Variants in SMAD9 observed in about 807,000 individuals in gnomAD.
SMAD9 encodes the protein SMAD family member 9, also known as MAD homolog 9.
SMAD9 carries 36 observed loss-of-function variants against 46.1 expected under a neutral mutation model. The ratio of observed to expected loss-of-function variants is 0.78; its 90% CI spans 0.60 to 1.03. The LOEUF (loss-of-function observed/expected upper bound fraction) is 1.03. Ranked by LOEUF, SMAD9 falls within the 50% of genes least tolerant of loss-of-function variation. The probability of loss-of-function intolerance (pLI) is 0.00; values close to 1 mark genes in which losing one functional copy is unlikely to be tolerated. For synonymous variants in SMAD9, 245 were observed against 237.1 expected, an observed-to-expected ratio of 1.03 and a Z score of -0.31; for missense variants, 572 against 599.8, an observed-to-expected ratio of 0.95 and a Z score of 0.48.
intron 5 of SMAD9, among the ~76,000 whole-genome samples, chr13:36,858,896 G>C (rs1342082390): frequency 6.6e-6 from 1 of 152,056 alleles, no homozygotes; most frequent in Non-Finnish European, 1.5e-5. Flanking sequence ...ATTTTTTGTA[G>C]TGACAGGGTC....
At chr13:36,881,907 T>TA (rs1271993178) in intron 1 of SMAD9, among the ~76,000 whole-genome samples, 1 of 152,210 alleles carries the variant, frequency 6.6e-6, no homozygotes, top group African/African-American at 2.4e-5. Flanking sequence ...AACTCATTAT[T>TA]AGTAAGTTGT....
At chr13:36,874,266 T>C (rs1206246737) in intron 2 of SMAD9, among the ~76,000 whole-genome samples, 2 of 152,120 alleles carry the variant, frequency 1.3e-5, no homozygotes, top group Admixed American at 1.3e-4. Context: ...GAAGAAAAGA[T>C]CCAGACCTAG....
chr13:36,860,120 T>C (rs186930503), intron 5 of SMAD9, among the ~76,000 whole-genome samples: 15 of 152,294 alleles, frequency 9.8e-5, no homozygotes, highest in Non-Finnish European at 1.6e-4. Context: ...AAATTCTTTC[T>C]TGTGAGAGAT....
Position 36,920,161 on chromosome 13 carries a change from G to A in SMAD9, c.-232C>T. 1 of 153,002 alleles carries A rather than the reference G, an allele frequency of 6.5e-6. No homozygotes were observed. The highest frequency in any genetic ancestry group is 1.4e-5 in the Non-Finnish European group (1 of 73,156). 9.5% of individuals were successfully genotyped at this position (153,002 alleles called of 1,614,324 possible). On this transcript the variant is annotated 5_prime_UTR_variant, in exon 1 of 7. Coordinates refer to ENST00000379826, the MANE Select transcript of SMAD9 (RefSeq NM_001127217.3). Reference sequence around the variant, plus strand: ...GCGCCTGCAGGGCCCGGCGGCGGCGGCGGGGACCGAGACAGCGGCTGCAGC... The same window carrying A: ...GCGCCTGCAGGGCCCGGCGGCGGCGACGGGGACCGAGACAGCGGCTGCAGC...
chr13:36,879,325 T>C lies in SMAD9; in HGVS notation c.365A>G (p.Lys122Arg). The C allele has an allele frequency of 6.2e-7, 1 of 1,614,140 alleles. No homozygotes were observed. Among genetic ancestry groups the C allele is most frequent in the Non-Finnish European group, 8.5e-7 (1 of 1,180,028 alleles). ...CCEFPFGSKQKEVCINPYHYR... is the reference protein window; with the variant it reads ...CCEFPFGSKQREVCINPYHYR... ...GTGGTAAGGGTTAATGCACACTTCT[T>C]TCTGCTTGGAGCCAAATGGGAACTC... The change falls in exon 2 of 7, where the codon AAA (lysine) becomes AGA (arginine). Residue 122 changes from lysine to arginine, a missense_variant. By Grantham distance (26) the Lys-to-Arg change is conservative. Coordinates refer to ENST00000379826, the MANE Select transcript of SMAD9 (RefSeq NM_001127217.3).
At chr13:36,908,189 A>C (rs1410883988) in intron 1 of SMAD9, among the ~76,000 whole-genome samples, 1 of 152,230 alleles carries the variant, frequency 6.6e-6, no homozygotes, top group Admixed American at 6.5e-5. Flanking sequence ...CAATCTCTAG[A>C]GAAACCTTTT....
chr13:36,872,434 C>T (rs1484000135), intron 3 of SMAD9, among the ~76,000 whole-genome samples: 1 of 151,508 alleles, frequency 6.6e-6, no homozygotes, highest in Non-Finnish European at 1.5e-5. Context: ...TTTCTGAGAG[C>T]TTCCAGAGCA....
rs527237714 is a variant in SMAD9, at chr13:36,847,131, G to A, written c.*1545C>T. 6 of 152,316 alleles carry A rather than the reference G, an allele frequency of 3.9e-5. No homozygotes were observed. The East Asian group carries it at 7.7e-4, about 20-fold the overall frequency. The allele number at this position is 152,316 out of a possible 1,614,324, so 9.4% of individuals were successfully genotyped here. Reference sequence around the variant, plus strand: ...GCTAACACTAGTAACTGTAAGAGGTGACAGTAGTAGCTCAATCATATATCT... The same window carrying A: ...GCTAACACTAGTAACTGTAAGAGGTAACAGTAGTAGCTCAATCATATATCT... On this transcript the variant is annotated 3_prime_UTR_variant, in exon 7 of 7. Transcript: ENST00000379826.
intron 1 of SMAD9, among the ~76,000 whole-genome samples, chr13:36,919,847 C>G (rs1369492163): frequency 6.6e-6 from 1 of 150,748 alleles, no homozygotes; most frequent in Admixed American, 6.6e-5. Flanking sequence ...CACTCCACCC[C>G]AGACAGGCTC....
At chr13:36,894,010 T>G (rs1178444773) in intron 1 of SMAD9, among the ~76,000 whole-genome samples, 1 of 152,184 alleles carries the variant, frequency 6.6e-6, no homozygotes, top group Non-Finnish European at 1.5e-5. Flanking sequence ...ACATGGTCCC[T>G]GCTGTTAACA....
In SMAD9 at chr13:36,920,189, CGGCG is replaced by C. The variant is rs2058734109; in HGVS notation, c.-264_-261del. Reference sequence around the variant, plus strand: ...GGGACCGAGACAGCGGCTGCAGCAGCGGCGGCGGCGGCGGCGGCGGCGGCGGCCC... The same window carrying C: ...GGGACCGAGACAGCGGCTGCAGCAGCGCGGCGGCGGCGGCGGCGGCGGCCC... On this transcript the variant is annotated 5_prime_UTR_variant, in exon 1 of 7. Coordinates refer to ENST00000379826, the MANE Select transcript of SMAD9 (RefSeq NM_001127217.3). The C allele has an allele frequency of 3.7e-5, 1 of 27,294 alleles. No individual in the cohort carries two copies. The highest frequency in any genetic ancestry group is 4.2e-4 in the East Asian group (1 of 2,356). The allele number at this position is 27,294 out of a possible 1,614,324, so 1.7% of individuals were successfully genotyped here. A position where few individuals can be genotyped will look rare whatever the true frequency, so the allele number is the denominator to read the frequency against.
chr13:36,890,585 T>G (rs915671933), intron 1 of SMAD9, among the ~76,000 whole-genome samples: 1 of 152,228 alleles, frequency 6.6e-6, no homozygotes, highest in Non-Finnish European at 1.5e-5. Flanking sequence ...TAGCTTGAAT[T>G]TGGAAGAGAT....
intron 1 of SMAD9, among the ~76,000 whole-genome samples, chr13:36,900,801 T>A (rs973961295): frequency 2.6e-5 from 4 of 152,120 alleles, no homozygotes; most frequent in Admixed American, 6.6e-5. Flanking sequence ...TCACCCATTT[T>A]AAAATGAACA....
rs1441718356 is a variant in SMAD9 at position 36,848,646 on chromosome 13, C to A, written c.*30G>T. 1 of 1,610,652 alleles carries A rather than the reference C, an allele frequency of 6.2e-7. No homozygotes were observed. The highest frequency in any genetic ancestry group is 8.5e-7 in the Non-Finnish European group (1 of 1,176,940). On this transcript the variant is annotated 3_prime_UTR_variant, in exon 7 of 7. Coordinates refer to ENST00000379826, the MANE Select transcript of SMAD9 (RefSeq NM_001127217.3). ...AGCCACTCCCTGCAATAGCCTCTATCCTATGGAAATGCAGCTTAAGACATG... is the reference window on the plus strand; with the variant it reads ...AGCCACTCCCTGCAATAGCCTCTATACTATGGAAATGCAGCTTAAGACATG...
In SMAD9 at chr13:36,900,196, A is replaced by G. The variant is rs560425981; in HGVS notation, c.-187+19920T>C. The stretch of plus-strand genomic sequence containing the variant: ...ACTTACTGTTTTTCCAACGTTCTTC[A>G]TGTTAGTATACACATGGCTGCTGCC... On this transcript the variant is annotated intron_variant, in intron 1 of 6. Transcript: ENST00000379826. 3.9e-4 allele frequency among the ~76,000 whole-genome samples: 59 copies of G among 152,294 alleles called. 1 individual carries two copies. The South Asian group carries it at 8.5e-3, about 22-fold the overall frequency.
intron 1 of SMAD9, among the ~76,000 whole-genome samples, chr13:36,895,235 G>A (rs982459180): frequency 6.6e-6 from 1 of 152,154 alleles, no homozygotes; most frequent in Non-Finnish European, 1.5e-5. Flanking sequence ...AAACAACGCT[G>A]TGATGTGGAT....
chr13:36,916,659 T>C (rs2058700615), intron 1 of SMAD9, among the ~76,000 whole-genome samples: 1 of 152,132 alleles, frequency 6.6e-6, no homozygotes, highest in African/African-American at 2.4e-5. Context: ...AGTCCCTTCC[T>C]TCCTGGATCT....
intron 1 of SMAD9, among the ~76,000 whole-genome samples, chr13:36,919,081 T>A (rs913499765): frequency 5.9e-5 from 9 of 152,200 alleles, no homozygotes; most frequent in Admixed American, 4.6e-4. Context: ...GGGTAAAGAA[T>A]TTACATACAA....
chr13:36,876,364 C>A (rs913952527), intron 2 of SMAD9, among the ~76,000 whole-genome samples: 1 of 152,106 alleles, frequency 6.6e-6, no homozygotes, highest in Non-Finnish European at 1.5e-5. Flanking sequence ...TCATGTACCA[C>A]AACAACAGTC....
Sources: allele counts gnomAD v4.1 joint callset (sites outside exome capture counted in the v4.1 genomes callset), GRCh38; gene constraint gnomAD v4.1.1; transcripts MANE v1.5; gene names NCBI Gene and HGNC (gene_info 2026-07-23, HGNC 2026-07-21).